Variants in GLRA3 observed in about 807,000 individuals in gnomAD.
The protein encoded by GLRA3 is glycine receptor alpha 3.
Under a neutral mutation model 60.4 loss-of-function variants are expected in GLRA3, and 44 were observed. The ratio of observed to expected loss-of-function variants is 0.73; its 90% confidence interval spans 0.57 to 0.94. The LOEUF (loss-of-function observed/expected upper bound fraction) is 0.94, where lower values mean the gene tolerates loss of function less well. Ranked by LOEUF, GLRA3 falls within the 40% of genes least tolerant of loss-of-function variation. The probability of loss-of-function intolerance (pLI) is 0.00; values close to 1 mark genes in which losing one functional copy is unlikely to be tolerated. For synonymous variants in GLRA3, 223 were observed against 192.9 expected, an observed-to-expected ratio of 1.16 and a Z score of -1.29; for missense variants, 508 against 564.6, an observed-to-expected ratio of 0.90 and a Z score of 1.02.
intron 1 of GLRA3, among the ~76,000 whole-genome samples, chr4:174,824,338 T>C (rs543344332): frequency 6.6e-5 from 10 of 152,330 alleles, no homozygotes; most frequent in Admixed American, 5.9e-4. Flanking sequence ...ATAATTGCTA[T>C]CACCAATCCT....
At chr4:174,750,038 A>T (rs939854659) in intron 3 of GLRA3, among the ~76,000 whole-genome samples, 2 of 152,082 alleles carry the variant, frequency 1.3e-5, no homozygotes, top group Non-Finnish European at 2.9e-5. Flanking sequence ...CTTATATCCC[A>T]CCTCAACCTT....
intron 7 of GLRA3, among the ~76,000 whole-genome samples, chr4:174,672,679 G>A (rs1267502835): frequency 6.6e-6 from 1 of 152,162 alleles, no homozygotes; most frequent in Non-Finnish European, 1.5e-5. Flanking sequence ...CTCAGGGCAA[G>A]CGCAGAAGAG....
chr4:174,790,173 G>A (rs890482822), intron 1 of GLRA3, among the ~76,000 whole-genome samples: 3 of 152,062 alleles, frequency 2.0e-5, no homozygotes, highest in Admixed American at 6.5e-5. Context: ...GTTCTGTCTG[G>A]TTCTGGGCAC....
intron 1 of GLRA3, among the ~76,000 whole-genome samples, chr4:174,796,264 T>G (rs942411482): frequency 3.3e-5 from 5 of 152,158 alleles, no homozygotes; most frequent in African/African-American, 1.2e-4. Context: ...GACAATTTGC[T>G]GGTGCTCTGA....
chr4:174,714,076 A>G (rs1735818304), intron 5 of GLRA3, among the ~76,000 whole-genome samples: 2 of 152,152 alleles, frequency 1.3e-5, no homozygotes, highest in Admixed American at 1.3e-4. Context: ...CCTTCCACAT[A>G]ATTGCTCTTT....
At chr4:174,720,637 A>G (rs1326927912) in intron 4 of GLRA3, among the ~76,000 whole-genome samples, 1 of 152,120 alleles carries the variant, frequency 6.6e-6, no homozygotes, top group Non-Finnish European at 1.5e-5. Context: ...TCATTCTTTC[A>G]TCTGAGCCAT....
chr4:174,782,228 C>T (rs1225130457), intron 2 of GLRA3, among the ~76,000 whole-genome samples: 2 of 150,328 alleles, frequency 1.3e-5, no homozygotes, highest in Non-Finnish European at 3.0e-5. Flanking sequence ...ACATGATTAT[C>T]TCAATAGATG....
intron 7 of GLRA3, among the ~76,000 whole-genome samples, chr4:174,667,709 G>A (rs1733735050): frequency 1.3e-5 from 2 of 152,192 alleles, no homozygotes; most frequent in South Asian, 4.1e-4. Context: ...AAGTTTGTTT[G>A]GACTGCACAA....
At position 174,721,451 on chromosome 4, in the gene GLRA3, T is replaced by C. The variant is rs113394703; in HGVS notation, c.492-5881A>G. On this transcript the variant is annotated intron_variant, in intron 4 of 9. Coordinates refer to ENST00000274093, the MANE Select transcript of GLRA3 (RefSeq NM_006529.4). ...GTATAACTTTTTGTTATATATAACA[T>C]ATATATACACACATATATATAACAT... 7.7e-3 allele frequency among the ~76,000 whole-genome samples: 1,152 copies of C among 150,310 alleles called. 19 individuals carry two copies. Among genetic ancestry groups the C allele is most frequent in the African/African-American group, 0.027 (1,099 of 41,060 alleles).
chr4:174,816,834 T>C (rs1459233216), intron 1 of GLRA3, among the ~76,000 whole-genome samples: 1 of 152,216 alleles, frequency 6.6e-6, no homozygotes, highest in Non-Finnish European at 1.5e-5. Flanking sequence ...ATTTTAATTT[T>C]TAATTTTAAT....
intron 1 of GLRA3, among the ~76,000 whole-genome samples, chr4:174,799,466 G>A (rs1157270922): frequency 1.3e-5 from 2 of 152,256 alleles, no homozygotes; most frequent in Non-Finnish European, 2.9e-5. Context: ...AATAAATTCC[G>A]TAAGTCGTAA....
chr4:174,750,903 G>C (rs1440212181), intron 3 of GLRA3, among the ~76,000 whole-genome samples: 1 of 152,094 alleles, frequency 6.6e-6, no homozygotes, highest in Non-Finnish European at 1.5e-5. Flanking sequence ...TTTACTGATA[G>C]ATGAATTAAT....
At chr4:174,683,018 C>T in intron 5 of GLRA3, 79 bp from the exon 6 acceptor site, 1 of 1,154,120 alleles carries the variant, frequency 8.7e-7, no homozygotes, top group South Asian at 1.3e-5. Context: ...TTTATAGTCA[C>T]ATAGGATGAG....
chr4:174,827,605 T>G (rs929974721), intron 1 of GLRA3, among the ~76,000 whole-genome samples: 7 of 151,928 alleles, frequency 4.6e-5, no homozygotes, highest in African/African-American at 1.7e-4. Flanking sequence ...TGATTTTTAT[T>G]GAAAATACTT....
rs557095792 is a variant in GLRA3 at position 174,779,361 on chromosome 4, G to C, written c.199+9455C>G. Among the ~76,000 whole-genome samples, 469 of 152,182 alleles carry C rather than the reference G, an allele frequency of 3.1e-3. 5 individuals are homozygous for C. Among genetic ancestry groups the C allele is most frequent in the African/African-American group, 0.01 (435 of 41,520 alleles). On this transcript the variant is annotated intron_variant, in intron 2 of 9. Coordinates refer to ENST00000274093, the MANE Select transcript of GLRA3 (RefSeq NM_006529.4). ...AAAGTAGATAAAACCACAAAGATGG[G>C]GAAAAAACAGAACAGAAAAACTCGA...
At chr4:174,657,557 G>A (rs1022002765) in intron 8 of GLRA3, among the ~76,000 whole-genome samples, 2 of 152,130 alleles carry the variant, frequency 1.3e-5, no homozygotes, top group African/African-American at 4.8e-5. Flanking sequence ...AACGAAGAAA[G>A]ACCAGAGTGT....
intron 9 of GLRA3, among the ~76,000 whole-genome samples, chr4:174,652,933 T>C (rs1561033648): frequency 2.6e-5 from 4 of 152,108 alleles, no homozygotes; most frequent in South Asian, 4.1e-4. Flanking sequence ...ATTAAGCATC[T>C]AGAACAGCAT....
At chr4:174,720,462 C>G (rs544364683) in intron 4 of GLRA3, among the ~76,000 whole-genome samples, 2 of 152,084 alleles carry the variant, frequency 1.3e-5, no homozygotes, top group Non-Finnish European at 2.9e-5. Flanking sequence ...TTGTCACTGC[C>G]ATGTATCTAA....
chr4:174,769,084 C>T (rs1451819711), intron 2 of GLRA3, among the ~76,000 whole-genome samples: 1 of 151,956 alleles, frequency 6.6e-6, no homozygotes, highest in Admixed American at 6.6e-5. Context: ...ATTTCTGTTT[C>T]CCTCTTTTTC....
Sources: gnomAD v4.1 joint callset for allele counts (sites outside exome capture counted in the v4.1 genomes callset) on GRCh38, gnomAD v4.1.1 for gene constraint, MANE v1.5 for transcripts, NCBI Gene and HGNC (gene_info 2026-07-23, HGNC 2026-07-21) for gene names.